CNOT4: variants seen among roughly 807,000 people sequenced by gnomAD.
The protein encoded by CNOT4 is CCR4-NOT transcription complex subunit 4, also known as CCR4-associated factor 4.
In CNOT4, 8 loss-of-function variants were observed where a neutral mutation model predicts 73.8. The ratio of observed to expected loss-of-function variants is 0.11; its 90% CI spans 0.06 to 0.20. The LOEUF (loss-of-function observed/expected upper bound fraction) is 0.20. Among genes scored for constraint, CNOT4 ranks in the 10% least tolerant of loss-of-function variants. The pLI is 1.00. For synonymous variants in CNOT4, 293 were observed against 321.1 expected, an observed-to-expected ratio of 0.91 and a Z score of 0.94; for missense variants, 564 against 883.4, an observed-to-expected ratio of 0.64 and a Z score of 4.58.
chr7:135,427,108 CA>C (rs1337612077), intron 2 of CNOT4, among the ~76,000 whole-genome samples: 1 of 152,038 alleles, frequency 6.6e-6, no homozygotes, highest in Non-Finnish European at 1.5e-5. Context: ...TTAGATATAA[CA>C]CTATTTTTAA....
At chr7:135,453,814 A>AATATATATATTTTATATATATAT (rs1475638810) in intron 1 of CNOT4, among the ~76,000 whole-genome samples, 22 of 108,354 alleles carry the variant, frequency 2.0e-4, no homozygotes, top group Non-Finnish European at 3.5e-4. Context: ...ATATATAATA[A>AATATATATATTTTATATATATAT]ATATATATAT....
At chr7:135,495,678 AAAAAAAAAAAAAAAAGAAAGAAAGAAAG>A (rs1563083340) in intron 1 of CNOT4, among the ~76,000 whole-genome samples, 24 of 95,160 alleles carry the variant, frequency 2.5e-4, no homozygotes, top group Admixed American at 4.4e-4. Flanking sequence ...TCAAAAAAAA[AAAAAAAAAAAAAAAAGAAAGAAAGAAAG>A]AAAGAAAGAA....
At chr7:135,491,519 G>A (rs1803108287) in intron 1 of CNOT4, among the ~76,000 whole-genome samples, 1 of 152,132 alleles carries the variant, frequency 6.6e-6, no homozygotes, top group East Asian at 1.9e-4. Context: ...GATAATGACA[G>A]AACTGACTAC....
chr7:135,473,854 A>C (rs541774696), intron 1 of CNOT4, among the ~76,000 whole-genome samples: 1 of 152,288 alleles, frequency 6.6e-6, no homozygotes, highest in South Asian at 2.1e-4. Flanking sequence ...GAAGGACATA[A>C]GACAAAGGAA....
chr7:135,365,434 G>T (rs914480791), intron 10 of CNOT4, among the ~76,000 whole-genome samples: 1 of 151,774 alleles, frequency 6.6e-6, no homozygotes. Context: ...TGTGTTGTAT[G>T]GTTTACAAGG....
intron 1 of CNOT4, among the ~76,000 whole-genome samples, chr7:135,458,818 T>C (rs2129486212): frequency 6.6e-6 from 1 of 152,154 alleles, no homozygotes; most frequent in South Asian, 2.1e-4. Flanking sequence ...TATCTGCAGT[T>C]ACTTCCCACG....
intron 7 of CNOT4, among the ~76,000 whole-genome samples, chr7:135,409,211 T>A (rs1797462507): frequency 1.3e-5 from 2 of 152,216 alleles, no homozygotes; most frequent in Middle Eastern, 3.4e-3. Flanking sequence ...TGGCAACGAA[T>A]AAGATAAGTA....
At chr7:135,377,008 T>C (rs917425574) in intron 10 of CNOT4, among the ~76,000 whole-genome samples, 1 of 152,190 alleles carries the variant, frequency 6.6e-6, no homozygotes, top group Non-Finnish European at 1.5e-5. Context: ...ATAGTTATGG[T>C]GATAAACATT....
chr7:135,378,984 CAAA>C (rs34447722), intron 10 of CNOT4, among the ~76,000 whole-genome samples: 10 of 97,116 alleles, frequency 1.0e-4, no homozygotes, highest in Admixed American at 4.2e-4. Flanking sequence ...AACCCTGTCT[CAAA>C]AAAAAAAAAA....
intron 10 of CNOT4, among the ~76,000 whole-genome samples, chr7:135,376,004 C>T (rs1448418160): frequency 2.7e-5 from 4 of 150,028 alleles, no homozygotes; most frequent in Non-Finnish European, 4.4e-5. Flanking sequence ...AAGCCAAGAG[C>T]TGAGGTTTCC....
chr7:135,461,169 T>G (rs1800849577), intron 1 of CNOT4, among the ~76,000 whole-genome samples: 1 of 152,166 alleles, frequency 6.6e-6, no homozygotes, highest in African/African-American at 2.4e-5. Flanking sequence ...CATTTTTTTT[T>G]GAAAGTCTAG....
chr7:135,406,352 T>C (rs2129483883), intron 7 of CNOT4, among the ~76,000 whole-genome samples: 1 of 123,222 alleles, frequency 8.1e-6, no homozygotes, highest in South Asian at 2.6e-4. Flanking sequence ...ATGCAAAGCA[T>C]GTACACCTAT....
chr7:135,396,369 G>A (rs1387300797), intron 8 of CNOT4, among the ~76,000 whole-genome samples: 1 of 151,900 alleles, frequency 6.6e-6, no homozygotes, highest in African/African-American at 2.4e-5. Flanking sequence ...CACCCGCCTC[G>A]GCCTCCCAAA....
At chr7:135,454,534 T>G (rs2129486041) in intron 1 of CNOT4, among the ~76,000 whole-genome samples, 1 of 150,910 alleles carries the variant, frequency 6.6e-6, no homozygotes, top group South Asian at 2.1e-4. Flanking sequence ...AATAGCCAGG[T>G]GCGGTGGTAC....
intron 1 of CNOT4, among the ~76,000 whole-genome samples, chr7:135,472,560 A>T (rs1211968701): frequency 3.7e-5 from 3 of 81,560 alleles, no homozygotes; most frequent in Non-Finnish European, 4.7e-5. Context: ...TATATATATA[A>T]AGTGATCCTC....
chr7:135,397,610 A>AC (rs1388529148), intron 8 of CNOT4, among the ~76,000 whole-genome samples: 1 of 151,520 alleles, frequency 6.6e-6, no homozygotes, highest in Non-Finnish European at 1.5e-5. Flanking sequence ...AACTAGCCAA[A>AC]AAAAAAAAAA....
At position 135,363,616 on chromosome 7, in the gene CNOT4, G is replaced by A. The variant is rs895360534; in HGVS notation, c.1840+238C>T. Reference sequence around the variant, plus strand: ...CTACAAAATACACATGTTGCCAGATGTTAACACCTACTTAAACCAGAAGAA... The same window carrying A: ...CTACAAAATACACATGTTGCCAGATATTAACACCTACTTAAACCAGAAGAA... On this transcript the variant is annotated intron_variant, in intron 11 of 11. Transcript: ENST00000541284. The surrounding 1 kb of genome is among the most constrained non-coding windows in gnomAD (Gnocchi z 4.3). Among the ~76,000 whole-genome samples, 63 of 152,220 alleles carry A rather than the reference G, an allele frequency of 4.1e-4. No homozygotes were observed. Among genetic ancestry groups the A allele is most frequent in the African/African-American group, 1.4e-3 (59 of 41,460 alleles).
At chr7:135,409,354 A>G (rs2129484003) in intron 7 of CNOT4, among the ~76,000 whole-genome samples, 1 of 152,314 alleles carries the variant, frequency 6.6e-6, no homozygotes, top group East Asian at 1.9e-4. Flanking sequence ...TAGCTTTGAT[A>G]TAAACAAATT....
intron 1 of CNOT4, among the ~76,000 whole-genome samples, chr7:135,478,434 T>A (rs1224135616): frequency 1.3e-5 from 2 of 152,292 alleles, no homozygotes; most frequent in African/African-American, 4.8e-5. Flanking sequence ...AGTTGAACAG[T>A]CCTTTAAATG....
Sources: gnomAD v4.1 joint callset for allele counts (sites outside exome capture counted in the v4.1 genomes callset) on GRCh38, gnomAD v4.1.1 for gene constraint, Gnocchi (gnomAD v3.1) non-coding constraint, MANE v1.5 for transcripts, NCBI Gene and HGNC (gene_info 2026-07-23, HGNC 2026-07-21) for gene names.